BABAM2: variants seen among roughly 807,000 people sequenced by gnomAD.
BABAM2 encodes BRISC and BRCA1 A complex member 2.
In BABAM2, 31 loss-of-function variants were observed where a neutral mutation model predicts 54.7. The observed-to-expected ratio is 0.57, with a 90% CI of 0.43 to 0.77. The LOEUF is 0.77. BABAM2 is among the 30% of genes least tolerant of loss of function. The pLI is 0.00. For synonymous variants in BABAM2, 167 were observed against 162.9 expected (o/e 1.03, Z -0.19); for missense variants, 364 against 455.8 (o/e 0.80, Z 1.83).
intron 2 of BABAM2, among the ~76,000 whole-genome samples, chr2:27,923,235 G>T (rs1450773189): frequency 6.6e-6 from 1 of 152,214 alleles, no homozygotes; most frequent in Admixed American, 6.5e-5. Flanking sequence ...TTCTGAGAAG[G>T]AGTGAAGTAC....
intron 7 of BABAM2, among the ~76,000 whole-genome samples, chr2:28,177,431 G>T (rs1213590640): frequency 6.7e-6 from 1 of 149,908 alleles, no homozygotes; most frequent in African/African-American, 2.5e-5. Context: ...GAAAGTGAAA[G>T]GACAATATCT....
intron 2 of BABAM2, among the ~76,000 whole-genome samples, chr2:27,911,937 C>T (rs143597533): frequency 1.1e-4 from 16 of 152,338 alleles, no homozygotes; most frequent in African/African-American, 3.8e-4. Flanking sequence ...AAAACCTACA[C>T]CACTACTTTG....
At chr2:28,268,950 T>G (rs1685205591) in intron 10 of BABAM2, among the ~76,000 whole-genome samples, 1 of 152,232 alleles carries the variant, frequency 6.6e-6, no homozygotes, top group African/African-American at 2.4e-5. Context: ...AAGTTTTACA[T>G]ATCTAAATTT....
chr2:28,052,936 A>G lies in BABAM2; in HGVS notation c.570+7137A>G, dbSNP rs73922206. Among the ~76,000 whole-genome samples, 477 of 152,250 alleles carry G rather than the reference A, an allele frequency of 3.1e-3. 4 individuals are homozygous for G. Among genetic ancestry groups the G allele is most frequent in the African/African-American group, 0.011 (456 of 41,550 alleles). ...ACATTAGACTGATTAACGTTACTGGAATTTTTTTGTGGATGAATTCTTGCA... is the reference window on the plus strand; with the variant it reads ...ACATTAGACTGATTAACGTTACTGGGATTTTTTTGTGGATGAATTCTTGCA... On this transcript the variant is annotated intron_variant, in intron 6 of 11. Transcript: ENST00000379624.
chr2:28,007,714 A>G lies in BABAM2; in HGVS notation c.301-17512A>G, dbSNP rs368868921. On this transcript the variant is annotated intron_variant, in intron 4 of 11. Transcript: ENST00000379624. ...ATAATTTCATTTCATTTTTATAACT[A>G]TTTTTACTTTCTTATTTTAAGTGTG... 1.1e-4 allele frequency among the ~76,000 whole-genome samples: 17 copies of G among 152,186 alleles called. No homozygotes were observed. In the East Asian group the frequency reaches 3.1e-3, roughly 28 times the overall value.
intron 10 of BABAM2, among the ~76,000 whole-genome samples, chr2:28,288,840 A>G (rs1687040013): frequency 6.6e-6 from 1 of 151,908 alleles, no homozygotes; most frequent in African/African-American, 2.4e-5. Context: ...TGCCTCTGCC[A>G]TTGTCTTAGC....
At chr2:28,275,255 A>G (rs1685777242) in intron 10 of BABAM2, among the ~76,000 whole-genome samples, 1 of 152,338 alleles carries the variant, frequency 6.6e-6, no homozygotes, top group South Asian at 2.1e-4. Context: ...AGCAGTGGAA[A>G]CTTTCTAGGC....
At chr2:28,216,774 A>G (rs1379112212) in intron 7 of BABAM2, among the ~76,000 whole-genome samples, 1 of 152,198 alleles carries the variant, frequency 6.6e-6, no homozygotes, top group Non-Finnish European at 1.5e-5. Flanking sequence ...TGGATGTAGA[A>G]TAAAACCCCA....
At chr2:28,256,561 C>CT (rs1683989515) in intron 10 of BABAM2, among the ~76,000 whole-genome samples, 1 of 152,124 alleles carries the variant, frequency 6.6e-6, no homozygotes, top group Non-Finnish European at 1.5e-5. Flanking sequence ...TCTGAAAACT[C>CT]TTATCATTTA....
intron 10 of BABAM2, among the ~76,000 whole-genome samples, chr2:28,268,091 A>G (rs1685136124): frequency 6.6e-6 from 1 of 152,234 alleles, no homozygotes; most frequent in Non-Finnish European, 1.5e-5. Context: ...TTTTTATATA[A>G]AGAGCTCAAA....
chr2:28,202,189 C>G lies in BABAM2; in HGVS notation c.681-35013C>G, dbSNP rs184974233. On this transcript the variant is annotated intron_variant, in intron 7 of 11. Coordinates refer to ENST00000379624, the MANE Select transcript of BABAM2 (RefSeq NM_199191.3). ...TGAAAATAAATCCTAGAGAAGATGC[C>G]AGAAAGATTTGGCTAAGCACTACTT... Among the ~76,000 whole-genome samples the G allele has an allele frequency of 3.3e-5, 5 of 152,198 alleles. No individual in the cohort carries two copies. In the East Asian group the frequency reaches 7.7e-4, roughly 24 times the overall value.
intron 6 of BABAM2, among the ~76,000 whole-genome samples, chr2:28,077,170 T>A (rs1000592427): frequency 6.6e-6 from 1 of 152,200 alleles, no homozygotes; most frequent in Non-Finnish European, 1.5e-5. Flanking sequence ...TTAATAGGAA[T>A]GGAGAGACGA....
intron 7 of BABAM2, among the ~76,000 whole-genome samples, chr2:28,204,627 T>C (rs1678635357): frequency 6.6e-6 from 1 of 152,136 alleles, no homozygotes; most frequent in African/African-American, 2.4e-5. Context: ...TTTCACTCGG[T>C]GGGAAATTTT....
intron 7 of BABAM2, among the ~76,000 whole-genome samples, chr2:28,151,521 G>T (rs547631299): frequency 2.0e-5 from 3 of 152,112 alleles, no homozygotes; most frequent in Non-Finnish European, 4.4e-5. Context: ...GTTGCAGTGA[G>T]CCGAGATCGC....
intron 7 of BABAM2, among the ~76,000 whole-genome samples, chr2:28,211,386 C>CTTTTTTTTTTTTT (rs770284745): frequency 8.3e-5 from 8 of 96,900 alleles, no homozygotes; most frequent in Admixed American, 3.0e-4. Flanking sequence ...TCCTTATTAT[C>CTTTTTTTTTTTTT]TTTTTTTTTT....
chr2:28,117,792 G>T (rs1668734097), intron 6 of BABAM2, among the ~76,000 whole-genome samples: 2 of 152,180 alleles, frequency 1.3e-5, no homozygotes, highest in Non-Finnish European at 1.5e-5. Context: ...GGGCCTGGGG[G>T]TGGGGTCTAG....
intron 7 of BABAM2, among the ~76,000 whole-genome samples, chr2:28,173,972 A>G (rs994637678): frequency 6.6e-6 from 1 of 152,236 alleles, no homozygotes; most frequent in African/African-American, 2.4e-5. Flanking sequence ...GAAGGGCAAG[A>G]TAAAGATTAA....
At chr2:28,242,737 C>T (rs1682560636) in intron 9 of BABAM2, among the ~76,000 whole-genome samples, 1 of 152,100 alleles carries the variant, frequency 6.6e-6, no homozygotes. Flanking sequence ...ACTCCTCAAA[C>T]CAATTTTAAG....
At chr2:27,982,843 G>GTT (rs1553405495) in intron 3 of BABAM2, among the ~76,000 whole-genome samples, 1 of 93,766 alleles carries the variant, frequency 1.1e-5, no homozygotes, top group Non-Finnish European at 2.6e-5. Flanking sequence ...TTCATTATGT[G>GTT]TACACACACA....
Sources: allele counts gnomAD v4.1 joint callset (sites outside exome capture counted in the v4.1 genomes callset), GRCh38; gene constraint gnomAD v4.1.1; transcripts MANE v1.5; gene names NCBI Gene and HGNC (gene_info 2026-07-23, HGNC 2026-07-21).